FMO1: variants seen among roughly 807,000 people sequenced by gnomAD.
FMO1 encodes flavin containing dimethylaniline monoxygenase 1.
Under a neutral mutation model 45.4 loss-of-function variants are expected in FMO1, and 36 were observed. The observed-to-expected ratio is 0.79, with a 90% CI of 0.61 to 1.05. The LOEUF (loss-of-function observed/expected upper bound fraction) is 1.05, where lower values mean the gene tolerates loss of function less well. Ranked by LOEUF, FMO1 falls within the 50% of genes least tolerant of loss-of-function variation. The pLI is 0.00. For missense variants in FMO1, 615 were observed against 640.3 expected (o/e 0.96, Z 0.43); for synonymous variants, 228 against 227.2 (o/e 1.00, Z -0.03).
chr1:171,283,048 C>A lies in FMO1; in HGVS notation c.1184-96C>A, dbSNP rs547821515. 116 of 728,884 alleles carry A rather than the reference C, an allele frequency of 1.6e-4. 1 individual carries two copies. Among genetic ancestry groups the A allele is most frequent in the Middle Eastern group, 1.4e-3 (5 of 3,564 alleles). 45.2% of individuals were successfully genotyped at this position (728,884 alleles called of 1,614,324 possible). A position where few individuals can be genotyped will look rare whatever the true frequency, so the allele number is the denominator to read the frequency against. ...GGATCAATGAGTAGCTGGTACTAGA[C>A]GTGAAAGGAGAGCCATAGTAAAGCA... On this transcript the variant is annotated intron_variant, in intron 7 of 8. Transcript: ENST00000617670.
At chr1:171,282,413 C>T (rs1431264419) in intron 7 of FMO1, 80 bp downstream of exon 7, 13 of 850,978 alleles carry the variant, frequency 1.5e-5, no homozygotes, top group Non-Finnish European at 2.2e-5. Context: ...GACTATTATT[C>T]CTCCTGCTTC....
intron 4 of FMO1, among the ~76,000 whole-genome samples, chr1:171,278,209 C>A (rs1050698526): frequency 6.6e-6 from 1 of 152,162 alleles, no homozygotes; most frequent in Non-Finnish European, 1.5e-5. Flanking sequence ...ACTTCTCCAA[C>A]TAACATGAAA....
intron 1 of FMO1, among the ~76,000 whole-genome samples, chr1:171,254,676 G>A (rs1215696146): frequency 1.3e-5 from 2 of 152,140 alleles, no homozygotes; most frequent in Non-Finnish European, 2.9e-5. Flanking sequence ...TTACTGTGGG[G>A]TCAGGCAGCT....
intron 3 of FMO1, among the ~76,000 whole-genome samples, chr1:171,273,005 A>G (rs1660933330): frequency 6.6e-6 from 1 of 152,148 alleles, no homozygotes; most frequent in Admixed American, 6.5e-5. Flanking sequence ...CCCCACTCAA[A>G]TGTCATCTTG....
intron 3 of FMO1, among the ~76,000 whole-genome samples, chr1:171,268,787 C>T (rs1202494796): frequency 6.6e-6 from 1 of 152,158 alleles, no homozygotes; most frequent in African/African-American, 2.4e-5. Context: ...ATAAAATTTG[C>T]ATTCACATTC....
chr1:171,264,790 T>C (rs1660540295), intron 2 of FMO1, among the ~76,000 whole-genome samples: 1 of 152,024 alleles, frequency 6.6e-6, no homozygotes, highest in Non-Finnish European at 1.5e-5. Flanking sequence ...TCCCAACTAC[T>C]CGGGAGGCCG....
At chr1:171,267,779 T>C (rs779190772) in intron 3 of FMO1, 48 bp downstream of exon 3, 10 of 1,434,776 alleles carry the variant, frequency 7.0e-6, no homozygotes, top group Non-Finnish European at 9.6e-6. Flanking sequence ...TTCCTACCTA[T>C]TTTCTCTTAT....
chr1:171,256,927 G>C (rs1372263326), intron 1 of FMO1, among the ~76,000 whole-genome samples: 1 of 152,210 alleles, frequency 6.6e-6, no homozygotes, highest in Non-Finnish European at 1.5e-5. Context: ...ACATAATTTA[G>C]TGACAAATGT....
chr1:171,273,284 C>T (rs1222028926), intron 3 of FMO1, among the ~76,000 whole-genome samples: 1 of 152,098 alleles, frequency 6.6e-6, no homozygotes, highest in African/African-American at 2.4e-5. Flanking sequence ...TGTAAATTGC[C>T]CAGTCTCTAG....
intron 6 of FMO1, among the ~76,000 whole-genome samples, chr1:171,281,189 G>A (rs112561247): frequency 1.2e-4 from 18 of 152,206 alleles, no homozygotes; most frequent in African/African-American, 3.1e-4. Context: ...AACACTTTAC[G>A]TATTATTATA....
At chr1:171,261,534 G>T (rs890699183) in intron 2 of FMO1, among the ~76,000 whole-genome samples, 1 of 152,156 alleles carries the variant, frequency 6.6e-6, no homozygotes, top group Non-Finnish European at 1.5e-5. Flanking sequence ...AACACATGTG[G>T]TGACAGTTTC....
In FMO1 at chr1:171,257,503, A is replaced by G. The variant is rs370007531; in HGVS notation, c.-6-579A>G. The stretch of plus-strand genomic sequence containing the variant: ...CACTGGTGACCTGTGAAAGGGACAC[A>G]CCAACAGCACAGCTGGGGCCCTGGC... On this transcript the variant is annotated intron_variant, in intron 1 of 8. Coordinates refer to ENST00000617670, the MANE Select transcript of FMO1 (RefSeq NM_001282693.2). Among the ~76,000 whole-genome samples the G allele has an allele frequency of 1.9e-4, 29 of 152,212 alleles. No individual in the cohort carries two copies. The East Asian group carries it at 5.4e-3, about 29-fold the overall frequency.
chr1:171,282,392 G>A (rs1661398081), intron 7 of FMO1, 59 bp downstream of exon 7: 3 of 1,111,096 alleles, frequency 2.7e-6, no homozygotes, highest in East Asian at 4.8e-5. Context: ...TCTGGATACT[G>A]GAAATGTTGA....
chr1:171,270,995 C>T (rs1660836446), intron 3 of FMO1: 1 of 945,032 alleles, frequency 1.1e-6, no homozygotes, highest in Non-Finnish European at 1.7e-6. Context: ...TCTACCTCCT[C>T]ATCATAATCT....
chr1:171,281,942 C>A, intron 6 of FMO1, 36 bp from the exon 7 acceptor site: 1 of 1,302,316 alleles, frequency 7.7e-7, no homozygotes, highest in Non-Finnish European at 1.1e-6. Context: ...GAATTGTTCA[C>A]TGACAAGTCT....
At chr1:171,271,167 C>G (rs1660846195) in intron 3 of FMO1, 2 of 862,684 alleles carry the variant, frequency 2.3e-6, no homozygotes, top group South Asian at 1.4e-5. Context: ...CACAAGGCTG[C>G]TTGTCTTCTG....
intron 1 of FMO1, among the ~76,000 whole-genome samples, chr1:171,257,117 C>T (rs1030987979): frequency 6.6e-6 from 1 of 152,216 alleles, no homozygotes; most frequent in African/African-American, 2.4e-5. Context: ...TTGATTCTCA[C>T]AGAACACTTC....
intron 1 of FMO1, among the ~76,000 whole-genome samples, chr1:171,250,998 T>A (rs145685107): frequency 4.1e-4 from 63 of 152,308 alleles, no homozygotes; most frequent in Admixed American, 1.9e-3. Flanking sequence ...TTGCATAACT[T>A]CAGTAATAGA....
chr1:171,262,091 T>C (rs561019811), intron 2 of FMO1, among the ~76,000 whole-genome samples: 5 of 152,302 alleles, frequency 3.3e-5, no homozygotes, highest in African/African-American at 7.2e-5. Context: ...TCATCAAATA[T>C]TACTTTCAGA....
Sources: allele counts gnomAD v4.1 joint callset (sites outside exome capture counted in the v4.1 genomes callset), GRCh38; gene constraint gnomAD v4.1.1; transcripts MANE v1.5; gene names NCBI Gene and HGNC (gene_info 2026-07-23, HGNC 2026-07-21).